The following STMN3 variants were observed in gnomAD, a reference collection of about 807,000 sequenced individuals.
STMN3 encodes stathmin 3.
Under a neutral mutation model 23.2 loss-of-function variants are expected in STMN3, and 24 were observed. The ratio of observed to expected loss-of-function variants is 1.03; its 90% CI spans 0.75 to 1.45. STMN3 has a LOEUF of 1.45. STMN3 is among the 40% of genes most tolerant of loss of function. The pLI is 0.00. For synonymous variants in STMN3, 117 were observed against 103.4 expected (o/e 1.13, Z -0.80); for missense variants, 235 against 237.6 (o/e 0.99, Z 0.07).
At chr20:63,647,882 T>A (rs924660923) in intron 1 of STMN3, among the ~76,000 whole-genome samples, 2 of 116,868 alleles carry the variant, frequency 1.7e-5, no homozygotes, top group Non-Finnish European at 3.8e-5. Flanking sequence ...GTGTATATAT[T>A]AATATATATA....
Position 63,642,130 on chromosome 20 carries a change from A to G in STMN3, c.461T>C (p.Leu154Pro). The G allele has an allele frequency of 7.5e-7, 1 of 1,335,068 alleles. No individual in the cohort carries two copies. Among genetic ancestry groups the G allele is most frequent in the Non-Finnish European group, 9.8e-7 (1 of 1,024,304 alleles). The allele number at this position is 1,335,068 out of a possible 1,614,324, so 82.7% of individuals were successfully genotyped here. A position where few individuals can be genotyped will look rare whatever the true frequency, so the allele number is the denominator to read the frequency against. The stretch of plus-strand genomic sequence containing the variant: ...CACCTTCTCGCGCAGCCGCTCGCGC[A>G]GTGCGGCCAGGTGTGCCTCGCGGAT... ...KEIREAHLAALRERLREKELH... is the reference protein window; with the variant it reads ...KEIREAHLAAPRERLREKELH... Residue 154 changes from leucine to proline, a missense_variant, in exon 4 of 5, where the codon CTG becomes CCG. Physicochemically the swap from Leu to Pro is moderately conservative, Grantham distance 98. Transcript: ENST00000370053.
chr20:63,649,829 CTTTT>C (rs953904914), intron 1 of STMN3, among the ~76,000 whole-genome samples: 5 of 124,826 alleles, frequency 4.0e-5, no homozygotes, highest in Non-Finnish European at 8.4e-5. Context: ...CGCGCCTGGA[CTTTT>C]TTTTTTTTTT....
At position 63,643,789 on chromosome 20, in the gene STMN3, T is replaced by C. The variant is rs774462353; in HGVS notation, c.258A>G (p.Gln86=). Residue 86 remains glutamine, a synonymous_variant, in exon 3 of 5, where the codon CAA becomes CAG. Coordinates refer to ENST00000370053, the MANE Select transcript of STMN3 (RefSeq NM_015894.4). ...GCTCCTCGGCTGCCTCCAGCCGCTT[T>C]TGCAGCTCCTCCAGGGAGGTGTCCT... ...KKKDTSLEEL[Q]KRLEAAEERR... The C allele has an allele frequency of 9.7e-6, 15 of 1,554,376 alleles. No individual in the cohort carries two copies. The highest frequency in any genetic ancestry group is 1.3e-5 in the Non-Finnish European group (15 of 1,159,282).
chr20:63,645,213 C>T (rs1193484299), intron 1 of STMN3, among the ~76,000 whole-genome samples: 1 of 152,194 alleles, frequency 6.6e-6, no homozygotes, highest in African/African-American at 2.4e-5. Flanking sequence ...TTACTCATGA[C>T]GGGACCAGCA....
intron 1 of STMN3, among the ~76,000 whole-genome samples, chr20:63,645,380 T>G (rs2089801533): frequency 6.6e-6 from 1 of 152,140 alleles, no homozygotes; most frequent in African/African-American, 2.4e-5. Context: ...GGGCTGGGCT[T>G]GGGCCACTGA....
intron 1 of STMN3, among the ~76,000 whole-genome samples, chr20:63,646,523 T>C (rs2089810645): frequency 1.3e-5 from 2 of 151,492 alleles, no homozygotes; most frequent in Non-Finnish European, 2.9e-5. Flanking sequence ...CCAGCTAATT[T>C]TTTGTATTTT....
intron 1 of STMN3, 27 bp downstream of exon 1, chr20:63,653,300 C>G: frequency 1.3e-6 from 2 of 1,545,286 alleles, no homozygotes; most frequent in Non-Finnish European, 1.7e-6. Flanking sequence ...CCCGCCGCCC[C>G]ACAAAGCCCG....
intron 4 of STMN3, 66 bp from the exon 5 acceptor site, chr20:63,641,463 G>A: frequency 7.1e-7 from 1 of 1,400,312 alleles, no homozygotes; most frequent in Admixed American, 2.0e-5. Context: ...GGAACCCCCA[G>A]GCGCGCAGGC....
chr20:63,639,749 A>G lies in STMN3; in HGVS notation c.*1589T>C, dbSNP rs888950752. The G allele has an allele frequency of 6.6e-6, 1 of 152,350 alleles. No homozygotes were observed. Among genetic ancestry groups the G allele is most frequent in the African/African-American group, 2.4e-5 (1 of 41,454 alleles). The allele number at this position is 152,350 out of a possible 1,614,324, so 9.4% of individuals were successfully genotyped here. A position where few individuals can be genotyped will look rare whatever the true frequency, so the allele number is the denominator to read the frequency against. Reference sequence around the variant, plus strand: ...AGGTGTTTATTTAATTGTTCATTTGATTGAATTTTTAAGTTCACTTTACTA... The same window carrying G: ...AGGTGTTTATTTAATTGTTCATTTGGTTGAATTTTTAAGTTCACTTTACTA... On this transcript the variant is annotated 3_prime_UTR_variant, in exon 5 of 5. Coordinates refer to ENST00000370053, the MANE Select transcript of STMN3 (RefSeq NM_015894.4).
intron 1 of STMN3, among the ~76,000 whole-genome samples, chr20:63,649,521 C>CCT (rs35280689): frequency 0.031 from 4,640 of 151,598 alleles, 99 homozygotes; most frequent in Non-Finnish European, 0.049. Context: ...GGCATTGCTC[C>CCT]CTCTCTCTCT....
intron 1 of STMN3, among the ~76,000 whole-genome samples, chr20:63,645,671 C>T (rs1308853942): frequency 1.3e-5 from 2 of 152,238 alleles, no homozygotes; most frequent in Non-Finnish European, 2.9e-5. Context: ...ATCCTTTTGG[C>T]TGGGTGCAGT....
Position 63,653,360 on chromosome 20 carries a change from T to C in STMN3, c.-15A>G. The C allele has an allele frequency of 6.5e-7, 1 of 1,535,264 alleles. No homozygotes were observed. Among genetic ancestry groups the C allele is most frequent in the East Asian group, 2.5e-5 (1 of 39,518 alleles). On this transcript the variant is annotated 5_prime_UTR_variant, in exon 1 of 5. Transcript: ENST00000370053. ...GTGCTGGCCATGGTGCTGGCGGCGG[T>C]TGGGCCTGCGGAGGCTGGAGAGGCG...
rs539028859 is a variant in STMN3, at chr20:63,645,975, G to A, written c.20-1666C>T. Among the ~76,000 whole-genome samples, 9 of 152,032 alleles carry A rather than the reference G, an allele frequency of 5.9e-5. No homozygotes were observed. In the South Asian group the frequency reaches 1.7e-3, roughly 28 times the overall value. On this transcript the variant is annotated intron_variant, in intron 1 of 4. Transcript: ENST00000370053. ...CTCAAAACAGAAAGAAAAAGAGAGA[G>A]AGGAAGAAAGGAAGGAGGGAGGGAG...
chr20:63,644,794 T>C (rs866945455), intron 1 of STMN3, among the ~76,000 whole-genome samples: 47 of 152,148 alleles, frequency 3.1e-4, no homozygotes, highest in Admixed American at 1.0e-3. Flanking sequence ...TTCCATCATG[T>C]GAGGACACAG....
At chr20:63,647,701 TA>T (rs2089821586) in intron 1 of STMN3, among the ~76,000 whole-genome samples, 3 of 131,876 alleles carry the variant, frequency 2.3e-5, no homozygotes, top group Non-Finnish European at 4.9e-5. Context: ...ATATATATAA[TA>T]TATATACACG....
chr20:63,643,701 C>G, intron 3 of STMN3, 55 bp downstream of exon 3: 1 of 1,480,454 alleles, frequency 6.8e-7, no homozygotes, highest in Non-Finnish European at 8.9e-7. Flanking sequence ...GGCCCTGTCC[C>G]CGTGGGCCGC....
chr20:63,644,091 C>G, intron 2 of STMN3, 123 bp downstream of exon 2: 1 of 1,312,992 alleles, frequency 7.6e-7, no homozygotes, highest in Non-Finnish European at 1.1e-6. Context: ...GGGCCCCTTC[C>G]CCCTAGAACC....
intron 3 of STMN3, 32 bp downstream of exon 3, chr20:63,643,701 CCGTGGGCCGCCTCCGTTGAAACT>C (rs2089785872): frequency 6.8e-7 from 1 of 1,480,454 alleles, no homozygotes; most frequent in Non-Finnish European, 8.9e-7. Context: ...GGCCCTGTCC[CCGTGGGCCGCCTCCGTTGAAACT>C]CCTGGGGGGT....
intron 1 of STMN3, among the ~76,000 whole-genome samples, chr20:63,647,715 T>C (rs188493773): frequency 1.5e-5 from 2 of 130,500 alleles, no homozygotes; most frequent in African/African-American, 5.5e-5. Context: ...TATACACGTG[T>C]ATATATATTA....
Sources: allele counts gnomAD v4.1 joint callset (sites outside exome capture counted in the v4.1 genomes callset), GRCh38; gene constraint gnomAD v4.1.1; transcripts MANE v1.5; gene names NCBI Gene and HGNC (gene_info 2026-07-23, HGNC 2026-07-21).